Variants in USP32 observed in about 807,000 individuals in gnomAD.
USP32 encodes the protein ubiquitin specific peptidase 32.
A neutral mutation model predicts 204.8 loss-of-function variants in USP32; 59 were observed. The observed-to-expected ratio is 0.29, with a 90% CI of 0.23 to 0.36. The LOEUF (loss-of-function observed/expected upper bound fraction) is 0.36, where lower values mean the gene tolerates loss of function less well. Ranked by LOEUF, USP32 falls within the 10% of genes least tolerant of loss-of-function variation. USP32 has a pLI of 1.00. For synonymous variants in USP32, 517 were observed against 678.4 expected, an observed-to-expected ratio of 0.76 and a Z score of 3.70; for missense variants, 1,160 against 1,946.4, an observed-to-expected ratio of 0.60 and a Z score of 7.60.
chr17:60,211,135 A>G lies in USP32; in HGVS notation c.2319-17T>C. On this transcript the variant is annotated splice_polypyrimidine_tract_variant and intron_variant, in intron 20 of 33. Transcript: ENST00000300896. Reference sequence around the variant, plus strand: ...GGATTTGTCCTAGAAGTTTGAGAGGAAAATTTGTTGCCAAAGATTCTCATA... The same window carrying G: ...GGATTTGTCCTAGAAGTTTGAGAGGGAAATTTGTTGCCAAAGATTCTCATA... 1 of 1,604,410 alleles carries G rather than the reference A, an allele frequency of 6.2e-7. No individual in the cohort carries two copies. The highest frequency in any genetic ancestry group is 8.5e-7 in the Non-Finnish European group (1 of 1,174,496).
At chr17:60,222,677 A>AAT in intron 14 of USP32, 128 bp from the exon 15 acceptor site, 1 of 471,122 alleles carries the variant, frequency 2.1e-6, no homozygotes, top group Non-Finnish European at 3.5e-6. Flanking sequence ...GAAAAACTTA[A>AAT]TTTTTTTTTT....
intron 1 of USP32, among the ~76,000 whole-genome samples, chr17:60,355,910 A>C (rs1047458250): frequency 7.2e-5 from 10 of 138,128 alleles, no homozygotes; most frequent in African/African-American, 3.3e-4. Flanking sequence ...AAAAAAAAAA[A>C]AGCAGTATTT....
At chr17:60,195,681 T>C (rs2084496022) in intron 27 of USP32, among the ~76,000 whole-genome samples, 1 of 152,184 alleles carries the variant, frequency 6.6e-6, no homozygotes, top group Non-Finnish European at 1.5e-5. Flanking sequence ...AATCTCTAAA[T>C]GTCGGAATGC....
chr17:60,338,034 T>G (rs2088564835), intron 2 of USP32, among the ~76,000 whole-genome samples: 1 of 152,178 alleles, frequency 6.6e-6, no homozygotes, highest in Non-Finnish European at 1.5e-5. Flanking sequence ...CTAAAATTGT[T>G]GGACGCAGGC....
chr17:60,238,469 A>G (rs1038676384), intron 11 of USP32, among the ~76,000 whole-genome samples: 2 of 151,936 alleles, frequency 1.3e-5, no homozygotes, highest in African/African-American at 4.8e-5. Context: ...GGAGTTCAAG[A>G]CCAGCCTGGG....
intron 25 of USP32, among the ~76,000 whole-genome samples, chr17:60,206,356 T>C (rs1198076771): frequency 6.7e-6 from 1 of 149,064 alleles, no homozygotes; most frequent in Non-Finnish European, 1.5e-5. Flanking sequence ...TAAAAATGCA[T>C]TATTCTCACT....
At chr17:60,248,889 T>A (rs2086101107) in intron 11 of USP32, among the ~76,000 whole-genome samples, 1 of 152,186 alleles carries the variant, frequency 6.6e-6, no homozygotes, top group Non-Finnish European at 1.5e-5. Context: ...TGTCTCATAA[T>A]TTTTTCTTGT....
chr17:60,338,342 T>A (rs529309002), intron 2 of USP32, among the ~76,000 whole-genome samples: 231 of 146,598 alleles, frequency 1.6e-3, no homozygotes, highest in Non-Finnish European at 2.0e-3. Flanking sequence ...AAAAAAAAAA[T>A]ACTACATAGA....
At position 60,244,066 on chromosome 17, in the gene USP32, A is replaced by T. The variant is rs183996778; in HGVS notation, c.1137-7826T>A. On this transcript the variant is annotated intron_variant, in intron 11 of 33. Transcript: ENST00000300896. ...TTTTTTTTTTTTTGAGATGGAGTCTAGCTCTGTCACCCAGGCTGAAGTGCA... is the reference window on the plus strand; with the variant it reads ...TTTTTTTTTTTTTGAGATGGAGTCTTGCTCTGTCACCCAGGCTGAAGTGCA... Among the ~76,000 whole-genome samples, 81 of 106,878 alleles carry T rather than the reference A, an allele frequency of 7.6e-4. 1 individual carries two copies. The East Asian group carries it at 0.02, about 27-fold the overall frequency. 70.1% of individuals were successfully genotyped at this position (106,878 alleles called of 152,430 possible). A position where few individuals can be genotyped will look rare whatever the true frequency, so the allele number is the denominator to read the frequency against.
intron 9 of USP32, among the ~76,000 whole-genome samples, chr17:60,256,459 G>A (rs1318285650): frequency 6.6e-6 from 1 of 152,120 alleles, no homozygotes; most frequent in Non-Finnish European, 1.5e-5. Context: ...AATCAGTACA[G>A]CAGAGGTCCT....
intron 4 of USP32, among the ~76,000 whole-genome samples, chr17:60,294,296 C>T (rs1487136830): frequency 3.3e-5 from 5 of 152,068 alleles, no homozygotes; most frequent in African/African-American, 1.2e-4. Flanking sequence ...AAACAGGTCA[C>T]AGATGGCTCA....
In USP32 at chr17:60,181,708, G is replaced by T; in HGVS notation, c.4164C>A (p.Pro1388=). The T allele has an allele frequency of 6.2e-7, 1 of 1,609,874 alleles. No individual in the cohort carries two copies. Among genetic ancestry groups the T allele is most frequent in the Non-Finnish European group, 8.5e-7 (1 of 1,178,036 alleles). Residue 1388 remains proline (P), a synonymous_variant, in exon 32 of 34, where the codon CCC becomes CCA. Coordinates refer to ENST00000300896, the MANE Select transcript of USP32 (RefSeq NM_032582.4). ...TATTAGGGCTGCTGTTTTTGCTGGA[G>T]GGACAGCTGGTTCCACTTTTTCTTG... ...SSSRKSGTSC[P]SSKNSSPNSS... is the part of the protein sequence containing the mutation.
chr17:60,205,825 T>C (rs530459929), intron 25 of USP32, among the ~76,000 whole-genome samples, 167 bp from the exon 26 acceptor site: 24 of 152,270 alleles, frequency 1.6e-4, no homozygotes, highest in Non-Finnish European at 2.9e-4. Context: ...AATTTTCCAG[T>C]TTTACTTCCC....
At chr17:60,372,719 T>C (rs2089464337) in intron 1 of USP32, among the ~76,000 whole-genome samples, 1 of 149,650 alleles carries the variant, frequency 6.7e-6, no homozygotes, top group Non-Finnish European at 1.5e-5. Flanking sequence ...CTTGGTGGCA[T>C]GTGCCTCCAA....
intron 1 of USP32, among the ~76,000 whole-genome samples, chr17:60,365,937 A>G (rs1339679656): frequency 1.3e-5 from 2 of 152,066 alleles, no homozygotes; most frequent in African/African-American, 4.8e-5. Flanking sequence ...TTTTCGGTTC[A>G]TTTTTGGTTT....
At chr17:60,380,314 C>A (rs1280895825) in intron 1 of USP32, among the ~76,000 whole-genome samples, 3 of 152,156 alleles carry the variant, frequency 2.0e-5, no homozygotes, top group African/African-American at 4.8e-5. Flanking sequence ...CGCCTGTAAT[C>A]CCAACACTTT....
chr17:60,236,513 A>C (rs2085730216), intron 11 of USP32, among the ~76,000 whole-genome samples: 1 of 106,026 alleles, frequency 9.4e-6, no homozygotes, highest in Non-Finnish European at 1.6e-5. Context: ...TGGTGTTTCC[A>C]ATTAATTAAT....
intron 2 of USP32, among the ~76,000 whole-genome samples, chr17:60,306,258 C>A (rs1335478627): frequency 6.6e-6 from 1 of 152,110 alleles, no homozygotes; most frequent in African/African-American, 2.4e-5. Context: ...CCAGGGTGGT[C>A]TTGATGTCAT....
chr17:60,223,069 A>C (rs1429535048), intron 14 of USP32, among the ~76,000 whole-genome samples: 1 of 152,248 alleles, frequency 6.6e-6, no homozygotes, highest in African/African-American at 2.4e-5. Context: ...TATCATTTGG[A>C]AAAATCACTA....
Sources: gnomAD v4.1 joint callset for allele counts (sites outside exome capture counted in the v4.1 genomes callset) on GRCh38, gnomAD v4.1.1 for gene constraint, MANE v1.5 for transcripts, NCBI Gene and HGNC (gene_info 2026-07-23, HGNC 2026-07-21) for gene names.